Variants in MYO1B observed in about 807,000 individuals in gnomAD.
The protein encoded by MYO1B is unconventional myosin-Ib.
Under a neutral mutation model 159.7 loss-of-function variants are expected in MYO1B, and 72 were observed. The observed-to-expected ratio is 0.45, with a 90% confidence interval of 0.37 to 0.55. MYO1B has a LOEUF of 0.55. MYO1B is among the 20% of genes least tolerant of loss of function. The pLI is 0.00. For synonymous variants in MYO1B, 468 were observed against 473.8 expected (o/e 0.99, Z 0.16); for missense variants, 1,062 against 1,364.8 (o/e 0.78, Z 3.50).
rs16833637 is a variant in MYO1B at position 191,363,400 on chromosome 2, G to A, written c.766-328G>A. On this transcript the variant is annotated intron_variant, in intron 9 of 30. Transcript: ENST00000392318. ...TTCTTTGTATGGAGTTGTGCAAGTT[G>A]GTTTTGTTTCTAGTAGCAAAACCTC... 6.1e-3 allele frequency among the ~76,000 whole-genome samples: 933 copies of A among 152,112 alleles called. 8 individuals are homozygous for A. Among genetic ancestry groups the A allele is most frequent in the African/African-American group, 0.022 (896 of 41,490 alleles).
At chr2:191,265,389 G>A (rs574385108) in intron 1 of MYO1B, among the ~76,000 whole-genome samples, 12 of 152,192 alleles carry the variant, frequency 7.9e-5, no homozygotes, top group East Asian at 5.8e-4. Flanking sequence ...TGCATGATCC[G>A]ATCAGGCATA....
At chr2:191,329,800 C>T in intron 3 of MYO1B, 135 bp from the exon 4 acceptor site, 1 of 614,602 alleles carries the variant, frequency 1.6e-6, no homozygotes, top group African/African-American at 1.9e-5. Flanking sequence ...TTTAAGAATT[C>T]AAAGGAAATA....
rs565503332 is a variant in MYO1B at position 191,346,228 on chromosome 2, C to A, written c.452-8C>A. The A allele has an allele frequency of 4.5e-6, 7 of 1,559,306 alleles. No individual in the cohort carries two copies. Among genetic ancestry groups the A allele is most frequent in the Middle Eastern group, 1.9e-4 (1 of 5,382 alleles). ...TTTTTAACCATACATCTGTTTCTTTCCTACTAGCTTTTGGAAATGCCAAAA... is the reference window on the plus strand; with the variant it reads ...TTTTTAACCATACATCTGTTTCTTTACTACTAGCTTTTGGAAATGCCAAAA... On this transcript the variant is annotated splice_region_variant and splice_polypyrimidine_tract_variant and intron_variant, in intron 5 of 30. Transcript: ENST00000392318.
At position 191,285,476 on chromosome 2, in the gene MYO1B, T is replaced by C. The variant is rs1688311750; in HGVS notation, c.135+8446T>C. On this transcript the variant is annotated intron_variant, in intron 2 of 30. Transcript: ENST00000392318. ...CCACGGTTTGCGGGACGTCCTGGCC[T>C]CTGAATGAGCTCCTGACCCAAGGCC... is the stretch of plus-strand genomic sequence containing the variant. 2.0e-5 allele frequency among the ~76,000 whole-genome samples: 3 copies of C among 152,296 alleles called. No homozygotes were observed. In the South Asian group the frequency reaches 6.3e-4, roughly 32 times the overall value.
chr2:191,367,166 A>G (rs1457461020), intron 11 of MYO1B, among the ~76,000 whole-genome samples: 1 of 151,946 alleles, frequency 6.6e-6, no homozygotes, highest in Non-Finnish European at 1.5e-5. Flanking sequence ...CCTCGTTTCT[A>G]CACCCCATAT....
intron 13 of MYO1B, among the ~76,000 whole-genome samples, chr2:191,371,421 C>T (rs1340395215): frequency 2.0e-5 from 3 of 152,056 alleles, no homozygotes; most frequent in Non-Finnish European, 4.4e-5. Context: ...AATTGAGGGC[C>T]GACTGTATGT....
At chr2:191,270,660 C>T (rs928204591) in intron 1 of MYO1B, among the ~76,000 whole-genome samples, 6 of 152,226 alleles carry the variant, frequency 3.9e-5, no homozygotes, top group Admixed American at 3.3e-4. Flanking sequence ...ATATTAGGTA[C>T]TGAACCACAT....
chr2:191,414,771 T>C, intron 29 of MYO1B, 102 bp downstream of exon 29: 2 of 1,325,768 alleles, frequency 1.5e-6, no homozygotes, highest in South Asian at 1.9e-5. Flanking sequence ...TCTGCCTTGC[T>C]AATTTGCAAA....
chr2:191,315,615 A>G (rs190437151), intron 3 of MYO1B, among the ~76,000 whole-genome samples: 1 of 152,350 alleles, frequency 6.6e-6, no homozygotes, highest in Non-Finnish European at 1.5e-5. Flanking sequence ...ACCAAAGTGC[A>G]TTGCTCAAAA....
chr2:191,423,169 C>T (rs1698048306), intron 30 of MYO1B, among the ~76,000 whole-genome samples: 1 of 152,096 alleles, frequency 6.6e-6, no homozygotes, highest in Admixed American at 6.5e-5. Context: ...TTTGTGCAAA[C>T]ATCATAGAGT....
intron 21 of MYO1B, among the ~76,000 whole-genome samples, chr2:191,399,162 A>T (rs1264955318): frequency 6.6e-6 from 1 of 152,104 alleles, no homozygotes; most frequent in African/African-American, 2.4e-5. Context: ...GGCACTCGGC[A>T]GGCTGAGGCA....
intron 14 of MYO1B, among the ~76,000 whole-genome samples, chr2:191,383,067 A>G (rs1288407053): frequency 6.6e-6 from 1 of 152,200 alleles, no homozygotes; most frequent in African/African-American, 2.4e-5. Context: ...GAACAGGTCA[A>G]GGGTGTTTGC....
intron 24 of MYO1B, among the ~76,000 whole-genome samples, chr2:191,404,508 A>G (rs544556048): frequency 6.6e-6 from 1 of 152,262 alleles, no homozygotes; most frequent in Non-Finnish European, 1.5e-5. Context: ...TTCTCACCTT[A>G]GTTTGAGATT....
intron 3 of MYO1B, among the ~76,000 whole-genome samples, chr2:191,318,440 A>C (rs1430894592): frequency 1.3e-5 from 2 of 152,208 alleles, no homozygotes; most frequent in East Asian, 3.9e-4. Context: ...AGCTTGTATC[A>C]AGCTTATATT....
intron 6 of MYO1B, 66 bp from the exon 7 acceptor site, chr2:191,350,096 C>T: frequency 7.6e-7 from 1 of 1,323,902 alleles, no homozygotes; most frequent in East Asian, 2.3e-5. Context: ...CTGCTGTTCT[C>T]TAAGAAGTAC....
At chr2:191,322,552 T>A (rs1690793254) in intron 3 of MYO1B, among the ~76,000 whole-genome samples, 1 of 152,136 alleles carries the variant, frequency 6.6e-6, no homozygotes, top group Non-Finnish European at 1.5e-5. Context: ...CCATTATGAT[T>A]TGATAATGGT....
At chr2:191,381,079 A>C in intron 13 of MYO1B, 1 of 335,300 alleles carries the variant, frequency 3.0e-6, no homozygotes, top group Non-Finnish European at 5.8e-6. Context: ...GACTTCCTTG[A>C]GCTCTGAAGT....
intron 4 of MYO1B, among the ~76,000 whole-genome samples, chr2:191,332,251 C>T (rs10200076): frequency 0.024 from 3,419 of 140,510 alleles, 117 homozygotes; most frequent in African/African-American, 0.077. Context: ...GCGCGAGCCA[C>T]CATGCCTGGC....
intron 3 of MYO1B, among the ~76,000 whole-genome samples, chr2:191,322,143 G>T (rs1009091603): frequency 6.6e-6 from 1 of 152,096 alleles, no homozygotes; most frequent in Non-Finnish European, 1.5e-5. Flanking sequence ...AGGATGCTCC[G>T]CTATGGGGAA....
Sources: gnomAD v4.1 joint callset for allele counts (sites outside exome capture counted in the v4.1 genomes callset) on GRCh38, gnomAD v4.1.1 for gene constraint, MANE v1.5 for transcripts, NCBI Gene and HGNC (gene_info 2026-07-23, HGNC 2026-07-21) for gene names.